SORBS2: variants seen among roughly 807,000 people sequenced by gnomAD.
SORBS2 encodes the protein sorbin and SH3 domain-containing protein 2.
A neutral mutation model predicts 97.7 loss-of-function variants in SORBS2; 46 were observed. The ratio of observed to expected loss-of-function variants is 0.47; its 90% CI spans 0.37 to 0.60. SORBS2 has a LOEUF of 0.60. Ranked by LOEUF, SORBS2 falls within the 20% of genes least tolerant of loss-of-function variation. The pLI, the probability that SORBS2 is intolerant of heterozygous loss-of-function variation, is 0.00. For missense variants in SORBS2, 1,316 were observed against 1,282.3 expected (o/e 1.03, Z -0.40); for synonymous variants, 476 against 473.4 (o/e 1.01, Z -0.07).
At chr4:185,723,354 A>G (rs2098531074) in intron 2 of SORBS2, among the ~76,000 whole-genome samples, 3 of 152,220 alleles carry the variant, frequency 2.0e-5, no homozygotes, top group Admixed American at 2.0e-4. Flanking sequence ...GAGAAGGAGC[A>G]CCAATTTAGC....
At chr4:185,752,122 A>G (rs1193729253) in intron 2 of SORBS2, among the ~76,000 whole-genome samples, 3 of 152,204 alleles carry the variant, frequency 2.0e-5, no homozygotes, top group African/African-American at 7.2e-5. Context: ...TCCCAGGGAA[A>G]ACAGAAAAGT....
At chr4:185,830,696 G>A (rs1029850012) in intron 1 of SORBS2, among the ~76,000 whole-genome samples, 1 of 152,162 alleles carries the variant, frequency 6.6e-6, no homozygotes, top group Non-Finnish European at 1.5e-5. Flanking sequence ...GGTTGGTGCT[G>A]TTTGTTGAAG....
intron 1 of SORBS2, among the ~76,000 whole-genome samples, chr4:185,949,020 C>T (rs978895750): frequency 3.3e-5 from 5 of 151,410 alleles, no homozygotes; most frequent in Non-Finnish European, 5.9e-5. Context: ...GAATTATCAC[C>T]GAGAAGAAAC....
At chr4:185,850,635 T>A (rs1421703017) in intron 1 of SORBS2, among the ~76,000 whole-genome samples, 1 of 152,146 alleles carries the variant, frequency 6.6e-6, no homozygotes, top group Non-Finnish European at 1.5e-5. Context: ...ACCACTGAAG[T>A]GTGTATATCA....
At chr4:185,627,169 C>T in intron 5 of SORBS2, 150 bp from the exon 18 acceptor site, 1 of 635,012 alleles carries the variant, frequency 1.6e-6, no homozygotes, top group South Asian at 1.9e-5. Flanking sequence ...CCTTGATGTT[C>T]AACATGATTT....
chr4:185,873,850 ATAT>A (rs1489028945), intron 1 of SORBS2, among the ~76,000 whole-genome samples: 1 of 152,214 alleles, frequency 6.6e-6, no homozygotes, highest in Non-Finnish European at 1.5e-5. Flanking sequence ...ATGAACATTT[ATAT>A]TATTGTAAAT....
chr4:185,813,148 C>G (rs2099189717), intron 1 of SORBS2: 4 of 152,160 alleles, frequency 2.6e-5, no homozygotes, highest in Admixed American at 1.3e-4. Flanking sequence ...GGCACTGTCC[C>G]ATTTATTTTT....
intron 1 of SORBS2, among the ~76,000 whole-genome samples, chr4:185,945,545 T>G (rs1369955436): frequency 6.6e-6 from 1 of 152,262 alleles, no homozygotes; most frequent in Non-Finnish European, 1.5e-5. Flanking sequence ...AAATTTGATT[T>G]CATCTACAGA....
intron 1 of SORBS2, among the ~76,000 whole-genome samples, chr4:185,949,087 G>C (rs917282010): frequency 1.3e-5 from 2 of 151,844 alleles, no homozygotes; most frequent in African/African-American, 4.8e-5. Context: ...GAAACAGGAG[G>C]GGGGTTGGGG....
chr4:185,872,434 G>A (rs554187543), intron 1 of SORBS2, among the ~76,000 whole-genome samples: 138 of 152,228 alleles, frequency 9.1e-4, no homozygotes, highest in African/African-American at 3.2e-3. Context: ...CAGAGCTGTG[G>A]GAATTTCACA....
At chr4:185,863,542 C>A (rs994271573) in intron 1 of SORBS2, among the ~76,000 whole-genome samples, 1 of 152,132 alleles carries the variant, frequency 6.6e-6, no homozygotes. Context: ...TTAGAAATAC[C>A]AGTGCTATTG....
chr4:185,679,390 A>G (rs1327290927), intron 2 of SORBS2, among the ~76,000 whole-genome samples: 2 of 152,190 alleles, frequency 1.3e-5, no homozygotes, highest in African/African-American at 4.8e-5. Context: ...ATATGAAAAA[A>G]CTGTTACAAC....
chr4:185,884,195 T>A (rs568850825), intron 1 of SORBS2, among the ~76,000 whole-genome samples: 3 of 152,352 alleles, frequency 2.0e-5, no homozygotes, highest in Non-Finnish European at 4.4e-5. Flanking sequence ...AAATTATACC[T>A]CAATAAACCT....
intron 1 of SORBS2, among the ~76,000 whole-genome samples, chr4:185,937,822 G>A (rs1034332672): frequency 2.0e-5 from 3 of 152,086 alleles, no homozygotes; most frequent in Non-Finnish European, 2.9e-5. Flanking sequence ...CTGTGGAGTC[G>A]GCTCCAGCAT....
At chr4:185,772,624 T>A (rs1017898099) in intron 2 of SORBS2, 1 of 152,208 alleles carries the variant, frequency 6.6e-6, no homozygotes, top group African/African-American at 2.4e-5. Context: ...TGCTGGAATT[T>A]AAAACGCAGA....
At chr4:185,643,993 C>T (rs2097170242) in intron 4 of SORBS2, among the ~76,000 whole-genome samples, 1 of 152,132 alleles carries the variant, frequency 6.6e-6, no homozygotes, top group African/African-American at 2.4e-5. Flanking sequence ...ATCACCACGG[C>T]CCACTTGGCT....
intron 1 of SORBS2, among the ~76,000 whole-genome samples, chr4:185,938,399 C>A (rs947121604): frequency 6.7e-6 from 1 of 149,438 alleles, no homozygotes; most frequent in African/African-American, 2.5e-5. Flanking sequence ...TACACACACA[C>A]ACACACACAC....
upstream of SORBS2, among the ~76,000 whole-genome samples, chr4:185,661,513 C>T (rs1224128220): frequency 6.6e-6 from 1 of 152,126 alleles, no homozygotes; most frequent in Non-Finnish European, 1.5e-5. Context: ...GGGTTGAGAA[C>T]GATTGCTCTA....
chr4:185,896,713 G>A (rs2099245214), intron 1 of SORBS2, among the ~76,000 whole-genome samples: 1 of 152,000 alleles, frequency 6.6e-6, no homozygotes, highest in Non-Finnish European at 1.5e-5. Flanking sequence ...TGATTGGCAG[G>A]GGGTGCTCTG....
Sources: allele counts gnomAD v4.1 joint callset (sites outside exome capture counted in the v4.1 genomes callset), GRCh38; gene constraint gnomAD v4.1.1; transcripts MANE v1.5; gene names NCBI Gene and HGNC (gene_info 2026-07-23, HGNC 2026-07-21).